The following MAP1B variants were observed in gnomAD, a reference collection of about 807,000 sequenced individuals.
The protein encoded by MAP1B is microtubule-associated protein 1B.
MAP1B carries 12 observed loss-of-function variants against 176.1 expected under a neutral mutation model. The ratio of observed to expected loss-of-function variants is 0.07; its 90% CI spans 0.04 to 0.11. MAP1B has a LOEUF of 0.11. MAP1B is among the 10% of genes least tolerant of loss of function. MAP1B has a pLI of 1.00. For missense variants in MAP1B, 2,523 were observed against 2,990.5 expected (o/e 0.84, Z 3.65); for synonymous variants, 1,044 against 1,135.0 (o/e 0.92, Z 1.61).
At chr5:72,140,905 T>C (rs1400183444) in intron 2 of MAP1B, among the ~76,000 whole-genome samples, 1 of 152,200 alleles carries the variant, frequency 6.6e-6, no homozygotes, top group African/African-American at 2.4e-5. Context: ...TCGTTATGAA[T>C]CAAAGGATCA....
chr5:72,155,764 T>C (rs982579542), intron 2 of MAP1B, among the ~76,000 whole-genome samples: 1 of 141,718 alleles, frequency 7.1e-6, no homozygotes, highest in African/African-American at 2.6e-5. Context: ...TGATTTTCTT[T>C]TCTTTTTTTT....
intron 2 of MAP1B, among the ~76,000 whole-genome samples, chr5:72,139,576 C>T (rs781384499): frequency 1.6e-4 from 25 of 152,046 alleles, no homozygotes; most frequent in Non-Finnish European, 2.5e-4. Flanking sequence ...CAGAGGTGTC[C>T]GAAGTCATCT....
chr5:72,160,218 T>TAA (rs11402347), intron 2 of MAP1B, among the ~76,000 whole-genome samples: 106,148 of 145,798 alleles, frequency 0.73, 40,913 homozygotes, highest in South Asian at 0.94. Flanking sequence ...GTTGGAAACT[T>TAA]AAAAAAAAAA....
intron 2 of MAP1B, among the ~76,000 whole-genome samples, chr5:72,168,140 C>T (rs1470155680): frequency 6.6e-6 from 1 of 152,210 alleles, no homozygotes; most frequent in East Asian, 1.9e-4. Context: ...TGAAGCCTTG[C>T]ATTTTCCAGA....
intron 2 of MAP1B, among the ~76,000 whole-genome samples, chr5:72,154,495 G>A (rs1159975572): frequency 1.3e-5 from 2 of 152,218 alleles, no homozygotes; most frequent in Non-Finnish European, 2.9e-5. Flanking sequence ...GCCATGGGCA[G>A]GTGAGAGCCA....
intron 2 of MAP1B, among the ~76,000 whole-genome samples, chr5:72,156,346 T>C (rs1039124611): frequency 2.6e-5 from 4 of 152,106 alleles, no homozygotes; most frequent in South Asian, 2.1e-4. Flanking sequence ...CAGCAAAAAA[T>C]AGAAACCTGT....
At chr5:72,124,157 G>T (rs763118882) in intron 2 of MAP1B, among the ~76,000 whole-genome samples, 1 of 152,140 alleles carries the variant, frequency 6.6e-6, no homozygotes, top group Non-Finnish European at 1.5e-5. Context: ...CCTAGGCAAC[G>T]ATCAAGTATC....
At chr5:72,118,796 T>G (rs776540824) in intron 2 of MAP1B, among the ~76,000 whole-genome samples, 8 of 152,230 alleles carry the variant, frequency 5.3e-5, no homozygotes, top group Non-Finnish European at 1.2e-4. Flanking sequence ...AAAATATTTA[T>G]TGCCTTTTAT....
intron 2 of MAP1B, among the ~76,000 whole-genome samples, chr5:72,182,022 CCT>C (rs1746779964): frequency 1.1e-5 from 1 of 94,142 alleles, no homozygotes; most frequent in African/African-American, 5.1e-5. Flanking sequence ...CCGCACCTGG[CCT>C]TTTTTTTTTT....
chr5:72,198,478 A>G lies in MAP1B; in HGVS notation c.5123A>G (p.Glu1708Gly). 6.2e-7 allele frequency: 1 copy of G among 1,613,906 alleles called. No homozygotes were observed. Residue 1708 changes from glutamate (E) to glycine (G), a missense_variant, in exon 5 of 7, where the codon GAG becomes GGG. Around this residue, in one of 4 missense-constraint regions of MAP1B, gnomAD observed 1,925 missense variants for 2,126.0 expected, o/e 0.91. Coordinates refer to ENST00000296755, the MANE Select transcript of MAP1B (RefSeq NM_005909.5). Reference sequence around the variant, plus strand: ...TCACATAAGATACCACCTATGGAGGAGCCGTCCTACACCCAAGATAATGAT... The same window carrying G: ...TCACATAAGATACCACCTATGGAGGGGCCGTCCTACACCCAAGATAATGAT... Reference protein sequence around the residue: ...SLSHKIPPMEEPSYTQDNDLS... With the variant: ...SLSHKIPPMEGPSYTQDNDLS...
intron 2 of MAP1B, among the ~76,000 whole-genome samples, chr5:72,151,092 G>T (rs990066814): frequency 6.6e-6 from 1 of 152,156 alleles, no homozygotes; most frequent in African/African-American, 2.4e-5. Flanking sequence ...GAAGCCTGGC[G>T]TTGGCATCTG....
chr5:72,108,012 G>A (rs944288723), intron 1 of MAP1B, among the ~76,000 whole-genome samples: 9 of 152,222 alleles, frequency 5.9e-5, no homozygotes. Flanking sequence ...GGTGTCAGGG[G>A]AGCAGAGGCC....
intron 2 of MAP1B, among the ~76,000 whole-genome samples, chr5:72,129,174 A>G (rs1018504845): frequency 2.6e-5 from 4 of 152,228 alleles, no homozygotes; most frequent in African/African-American, 9.6e-5. Flanking sequence ...ACATGTACAT[A>G]TGTAATTGTA....
chr5:72,187,580 G>A (rs534207527), intron 4 of MAP1B, among the ~76,000 whole-genome samples: 1 of 152,318 alleles, frequency 6.6e-6, no homozygotes, highest in South Asian at 2.1e-4. Context: ...TGGAGGGACT[G>A]AGGGATGTTC....
Position 72,200,839 on chromosome 5 carries a change from T to A in MAP1B, c.7012+472T>A, listed in dbSNP as rs571200687. 1.6e-3 allele frequency among the ~76,000 whole-genome samples: 242 copies of A among 152,162 alleles called. 2 individuals carry two copies. The highest frequency in any genetic ancestry group is 4.9e-3 in the African/African-American group (205 of 41,534). Reference sequence around the variant, plus strand: ...ATTTAGAGTCCTTTTTTAAAAAAAATTTTTTTTAAATTAAAAATGTTTACA... The same window carrying A: ...ATTTAGAGTCCTTTTTTAAAAAAAAATTTTTTTAAATTAAAAATGTTTACA... On this transcript the variant is annotated intron_variant, in intron 5 of 6. Transcript: ENST00000296755.
At chr5:72,120,685 C>T (rs1167717561) in intron 2 of MAP1B, among the ~76,000 whole-genome samples, 1 of 152,126 alleles carries the variant, frequency 6.6e-6, no homozygotes, top group Non-Finnish European at 1.5e-5. Context: ...TTCAGCCTCC[C>T]AAAGCACTGG....
intron 2 of MAP1B, among the ~76,000 whole-genome samples, chr5:72,142,859 C>A (rs1460812039): frequency 1.3e-5 from 2 of 151,794 alleles, no homozygotes; most frequent in Non-Finnish European, 2.9e-5. Flanking sequence ...GTTTTTTATT[C>A]TATTTCTTAA....
At chr5:72,125,739 A>T (rs1745616580) in intron 2 of MAP1B, among the ~76,000 whole-genome samples, 1 of 152,260 alleles carries the variant, frequency 6.6e-6, no homozygotes, top group Non-Finnish European at 1.5e-5. Context: ...TGGGGCATAA[A>T]TGCAACAGAT....
rs1344360881 is a variant in MAP1B at position 72,199,619 on chromosome 5, T to C, written c.6264T>C (p.Cys2088=). The stretch of plus-strand genomic sequence containing the variant: ...TCGATTTATGCCTCGTGTCCTCTTG[T>C]GAATACAAGCACCCCAAGACAGAGC... The part of the protein sequence containing the change: ...QDVDLCLVSS[C]EYKHPKTELS... The change falls in exon 5 of 7, where the codon TGT becomes TGC. Residue 2088 remains cysteine (C), a synonymous_variant. Coordinates refer to ENST00000296755, the MANE Select transcript of MAP1B (RefSeq NM_005909.5). The surrounding 1 kb of genome is among the most constrained non-coding windows in gnomAD (Gnocchi z 4.2). 1 of 1,614,170 alleles carries C rather than the reference T, an allele frequency of 6.2e-7. No homozygotes were observed. Among genetic ancestry groups the C allele is most frequent in the Admixed American group, 1.7e-5 (1 of 60,028 alleles).
Sources: allele counts gnomAD v4.1 joint callset (sites outside exome capture counted in the v4.1 genomes callset), GRCh38; gene constraint gnomAD v4.1.1; regional missense constraint gnomAD v4.1.1; non-coding constraint Gnocchi (gnomAD v3.1); transcripts MANE v1.5; gene names NCBI Gene and HGNC (gene_info 2026-07-23, HGNC 2026-07-21).